Variants in MINAR1 observed in about 807,000 individuals in gnomAD.
MINAR1 encodes membrane integral NOTCH2 associated receptor 1.
A neutral mutation model predicts 65.1 loss-of-function variants in MINAR1; 40 were observed. That is an observed-to-expected ratio of 0.61 (90% confidence interval 0.48 to 0.80). MINAR1 has a LOEUF of 0.80. Ranked by LOEUF, MINAR1 falls within the 30% of genes least tolerant of loss-of-function variation. MINAR1 has a pLI of 0.00. For missense variants in MINAR1, 1,128 were observed against 1,148.0 expected (o/e 0.98, Z 0.25); for synonymous variants, 482 against 449.1 (o/e 1.07, Z -0.93).
chr15:79,420,205 G>A, the MINAR1 span: 2 of 152,146 alleles, frequency 1.3e-5, no homozygotes, highest in Admixed American at 1.3e-4. Flanking sequence ...AACTTTTGAT[G>A]CTTGAATGTT....
the MINAR1 span, chr15:79,412,074 T>TGGTGTG: frequency 7.2e-6 from 1 of 139,498 alleles, no homozygotes; most frequent in African/African-American, 2.6e-5. Flanking sequence ...AACCACACCA[T>TGGTGTG]GTTTGCCAGT....
Position 79,470,233 on chromosome 15 carries a change from A to G in MINAR1, c.*1849A>G, listed in dbSNP as rs1296181254. 1 of 152,590 alleles carries G rather than the reference A, an allele frequency of 6.6e-6. No homozygotes were observed. Among genetic ancestry groups the G allele is most frequent in the African/African-American group, 2.4e-5 (1 of 41,424 alleles). The allele number at this position is 152,590 out of a possible 1,614,324, so 9.5% of individuals were successfully genotyped here. On this transcript the variant is annotated 3_prime_UTR_variant, in exon 4 of 4. Transcript: ENST00000305428. ...TATAGTCTTTGGTGCTCTGTTTTCAATGGGGCATATTACATAAGGTTGTTT... is the reference window on the plus strand; with the variant it reads ...TATAGTCTTTGGTGCTCTGTTTTCAGTGGGGCATATTACATAAGGTTGTTT...
At chr15:79,440,835 C>T (rs1165200241) in intron 1 of MINAR1, among the ~76,000 whole-genome samples, 5 of 152,048 alleles carry the variant, frequency 3.3e-5, no homozygotes, top group African/African-American at 1.2e-4. Context: ...CACTTTCTAC[C>T]ATCTAATACA....
chr15:79,458,929 G>A (rs1047534419), intron 2 of MINAR1, among the ~76,000 whole-genome samples: 2 of 152,078 alleles, frequency 1.3e-5, no homozygotes, highest in African/African-American at 2.4e-5. Flanking sequence ...ATAAATTGAT[G>A]ATTAGGAAGT....
At chr15:79,468,137 C>A in intron 3 of MINAR1, 50 bp from the exon 4 acceptor site, 1 of 1,501,914 alleles carries the variant, frequency 6.7e-7, no homozygotes, top group Non-Finnish European at 9.2e-7. Flanking sequence ...ACGTCTTTGA[C>A]CTGATTTCAA....
chr15:79,432,249 GC>G (rs1171385983), upstream of MINAR1, among the ~76,000 whole-genome samples: 1 of 152,132 alleles, frequency 6.6e-6, no homozygotes, highest in East Asian at 1.9e-4. Context: ...AGGAGTCCGA[GC>G]GCCCCCTTCA....
At chr15:79,441,381 A>C (rs1394936712) in intron 1 of MINAR1, among the ~76,000 whole-genome samples, 1 of 152,170 alleles carries the variant, frequency 6.6e-6, no homozygotes, top group Non-Finnish European at 1.5e-5. Flanking sequence ...AAAATTAAAC[A>C]TGCCAATAAA....
chr15:79,439,654 T>C (rs1459929804), intron 1 of MINAR1, among the ~76,000 whole-genome samples: 2 of 151,814 alleles, frequency 1.3e-5, no homozygotes. Context: ...CTATGACAGA[T>C]GGTTTACTGC....
Position 79,468,612 on chromosome 15 carries a change from A to T in MINAR1, c.*228A>T. 1 of 540,706 alleles carries T rather than the reference A, an allele frequency of 1.8e-6. No individual in the cohort carries two copies. The highest frequency in any genetic ancestry group is 3.5e-5 in the Admixed American group (1 of 28,652). The allele number at this position is 540,706 out of a possible 1,614,324, so 33.5% of individuals were successfully genotyped here. A position where few individuals can be genotyped will look rare whatever the true frequency, so the allele number is the denominator to read the frequency against. ...ACTCTGACGCATTTTTAGAAGTGCAATATCTTTTCCTACCAAAAGAACATC... is the reference window on the plus strand; with the variant it reads ...ACTCTGACGCATTTTTAGAAGTGCATTATCTTTTCCTACCAAAAGAACATC... On this transcript the variant is annotated 3_prime_UTR_variant, in exon 4 of 4. Transcript: ENST00000305428.
intron 1 of MINAR1, among the ~76,000 whole-genome samples, chr15:79,450,022 G>A (rs894904410): frequency 2.0e-5 from 3 of 152,072 alleles, no homozygotes; most frequent in African/African-American, 7.2e-5. Flanking sequence ...CCCCTTAATC[G>A]GGTTCCCAGC....
chr15:79,443,817 G>A (rs1894937639), intron 1 of MINAR1, among the ~76,000 whole-genome samples: 1 of 152,114 alleles, frequency 6.6e-6, no homozygotes, highest in African/African-American at 2.4e-5. Context: ...GTACCTCAAG[G>A]TAGATCTGGG....
Position 79,456,354 on chromosome 15 carries a change from G to A in MINAR1, c.207G>A (p.Met69Ile). ...NFPATLFKDK[M>I]KCTVNNQQSK... Reference sequence around the variant, plus strand: ...CAGCCACGCTATTCAAAGACAAGATGAAATGCACTGTGAATAACCAGCAAT... The same window carrying A: ...CAGCCACGCTATTCAAAGACAAGATAAAATGCACTGTGAATAACCAGCAAT... Residue 69 changes from methionine (M) to isoleucine (I), a missense_variant, in exon 2 of 4, where the codon ATG becomes ATA. Met to Ile is a conservative substitution (Grantham distance 10). Coordinates refer to ENST00000305428, the MANE Select transcript of MINAR1 (RefSeq NM_015206.3). The A allele has an allele frequency of 2.5e-6, 4 of 1,614,212 alleles. No individual in the cohort carries two copies. Among genetic ancestry groups the A allele is most frequent in the Non-Finnish European group, 3.4e-6 (4 of 1,180,050 alleles).
chr15:79,464,253 A>G (rs1251082808), intron 3 of MINAR1, among the ~76,000 whole-genome samples: 1 of 152,250 alleles, frequency 6.6e-6, no homozygotes, highest in African/African-American at 2.4e-5. Flanking sequence ...TTAAATGGAC[A>G]TAATAATATC....
intron 1 of MINAR1, among the ~76,000 whole-genome samples, chr15:79,436,690 C>A (rs950017142): frequency 6.6e-6 from 1 of 152,192 alleles, no homozygotes; most frequent in African/African-American, 2.4e-5. Context: ...TCAATAGACT[C>A]CATGCATACG....
chr15:79,446,171 T>C (rs1895013096), intron 1 of MINAR1, among the ~76,000 whole-genome samples: 1 of 152,108 alleles, frequency 6.6e-6, no homozygotes, highest in African/African-American at 2.4e-5. Context: ...ACTCATAACT[T>C]TTTTCTAATA....
the MINAR1 span, chr15:79,417,963 T>G: frequency 3.3e-5 from 5 of 152,252 alleles, no homozygotes; most frequent in Admixed American, 6.5e-5. Context: ...AAGCCACGAT[T>G]TTACGAAGCG....
At position 79,453,618 on chromosome 15, in the gene MINAR1, T is replaced by G. The variant is rs12101878; in HGVS notation, c.-50-2480T>G. Among the ~76,000 whole-genome samples, 1,069 of 152,306 alleles carry G rather than the reference T, an allele frequency of 7.0e-3. 21 individuals carry two copies. The highest frequency in any genetic ancestry group is 0.025 in the African/African-American group (1,026 of 41,576). ...TCCTCTCTGGTTCTCGTTGGTGCATTGTAGGAAATCTGGGTGCAGTTTCTC... is the reference window on the plus strand; with the variant it reads ...TCCTCTCTGGTTCTCGTTGGTGCATGGTAGGAAATCTGGGTGCAGTTTCTC... On this transcript the variant is annotated intron_variant, in intron 1 of 3. Transcript: ENST00000305428.
In MINAR1 at chr15:79,457,826, C is replaced by G; in HGVS notation, c.1679C>G (p.Pro560Arg). 6.2e-7 allele frequency: 1 copy of G among 1,614,156 alleles called. No homozygotes were observed. Among genetic ancestry groups the G allele is most frequent in the South Asian group, 1.1e-5 (1 of 91,082 alleles). The change falls in exon 2 of 4, where the codon CCT becomes CGT. Residue 560 changes from proline to arginine, a missense_variant. Coordinates refer to ENST00000305428, the MANE Select transcript of MINAR1 (RefSeq NM_015206.3). The part of the protein sequence containing the change: ...QLHKSDCDSS[P>R]EHNLTKIANG... The stretch of plus-strand genomic sequence containing the variant: ...CATAAGTCAGACTGCGACAGTTCCC[C>G]TGAGCACAACTTAACCAAAATTGCC...
the MINAR1 span, chr15:79,416,438 C>T: frequency 6.6e-6 from 1 of 152,230 alleles, no homozygotes; most frequent in African/African-American, 2.4e-5. Flanking sequence ...AAATTCCTAG[C>T]TTGCCAGCAA....
Sources: allele counts gnomAD v4.1 joint callset (sites outside exome capture counted in the v4.1 genomes callset), GRCh38; gene constraint gnomAD v4.1.1; transcripts MANE v1.5; gene names NCBI Gene and HGNC (gene_info 2026-07-23, HGNC 2026-07-21).